RFX2: variants seen among roughly 807,000 people sequenced by gnomAD.
RFX2 encodes DNA-binding protein RFX2.
RFX2 carries 20 observed loss-of-function variants against 87.8 expected under a neutral mutation model. That is an observed-to-expected ratio of 0.23 (90% CI 0.16 to 0.33). The LOEUF (loss-of-function observed/expected upper bound fraction) is 0.33, where lower values mean the gene tolerates loss of function less well. Ranked by LOEUF, RFX2 falls within the 10% of genes least tolerant of loss-of-function variation. The pLI is 1.00. For missense variants in RFX2, 767 were observed against 1,012.3 expected (o/e 0.76, Z 3.29); for synonymous variants, 397 against 431.3 (o/e 0.92, Z 0.98).
chr19:6,034,307 C>A (rs1046426793), intron 5 of RFX2, among the ~76,000 whole-genome samples: 26 of 151,246 alleles, frequency 1.7e-4, no homozygotes, highest in Admixed American at 4.6e-4. Flanking sequence ...TGGCTCACTG[C>A]AACCTCCGCC....
chr19:6,107,616 C>CAAAAAAAAAAAAAAAAAAAAAAAA (rs1156483792), intron 1 of RFX2, among the ~76,000 whole-genome samples: 7 of 31,556 alleles, frequency 2.2e-4, no homozygotes, highest in African/African-American at 5.0e-4. Context: ...GACCCTGTCT[C>CAAAAAAAAAAAAAAAAAAAAAAAA]AAAAAAAAAA....
At chr19:6,069,394 T>C (rs2087561155) in intron 1 of RFX2, among the ~76,000 whole-genome samples, 1 of 151,966 alleles carries the variant, frequency 6.6e-6, no homozygotes, top group Admixed American at 6.5e-5. Flanking sequence ...CATCAGTGTA[T>C]AGATGACATG....
chr19:6,021,202 G>A lies in RFX2; in HGVS notation c.598-4931C>T, dbSNP rs2086806557. 6.6e-6 allele frequency among the ~76,000 whole-genome samples: 1 copy of A among 152,248 alleles called. No individual in the cohort carries two copies. Among genetic ancestry groups the A allele is most frequent in the Non-Finnish European group, 1.5e-5 (1 of 68,050 alleles). ...TCGGGCAGCTATTCCAACCGTCCAG[G>A]TGTGCCCTGTGTTGACATAATCCGA... On this transcript the variant is annotated intron_variant, in intron 6 of 17. Coordinates refer to ENST00000303657, the MANE Select transcript of RFX2 (RefSeq NM_000635.4). The surrounding 1 kb of genome is among the most constrained non-coding windows in gnomAD (Gnocchi z 5.7).
Position 6,022,074 on chromosome 19 carries a change from C to T in RFX2, c.597+4089G>A, listed in dbSNP as rs939360810. On this transcript the variant is annotated intron_variant, in intron 6 of 17. Coordinates refer to ENST00000303657, the MANE Select transcript of RFX2 (RefSeq NM_000635.4). The surrounding 1 kb of genome is among the most constrained non-coding windows in gnomAD (Gnocchi z 6.2). ...GGACGCAGTGGGGTTGGGGGCCGAG[C>T]GCCTGGAAGATTGGCTGCCCCTGCC... Among the ~76,000 whole-genome samples, 5 of 152,036 alleles carry T rather than the reference C, an allele frequency of 3.3e-5. No individual in the cohort carries two copies. Among genetic ancestry groups the T allele is most frequent in the Admixed American group, 6.5e-5 (1 of 15,270 alleles).
chr19:6,089,029 T>C (rs1387077057), intron 1 of RFX2, among the ~76,000 whole-genome samples: 2 of 152,250 alleles, frequency 1.3e-5, no homozygotes, highest in African/African-American at 4.8e-5. Context: ...TCTTTTGATT[T>C]TTCCAACTAC....
At position 6,024,818 on chromosome 19, in the gene RFX2, G is replaced by C. The variant is rs1234587303; in HGVS notation, c.597+1345C>G. The stretch of plus-strand genomic sequence containing the variant: ...ACGGGATCACGGTGAGGACGGGAGT[G>C]AGGACGGGATCACGGTGAGGACGGG... On this transcript the variant is annotated intron_variant, in intron 6 of 17. Transcript: ENST00000303657. This position sits in a 1 kb window ranked among gnomAD's most constrained non-coding sequence, Gnocchi z 5.0. Among the ~76,000 whole-genome samples the C allele has an allele frequency of 4.6e-4, 41 of 89,842 alleles. No homozygotes were observed. The highest frequency in any genetic ancestry group is 2.5e-3 in the African/African-American group (38 of 15,006). 58.9% of individuals were successfully genotyped at this position (89,842 alleles called of 152,430 possible).
chr19:6,082,663 G>A (rs1885333054), intron 1 of RFX2, among the ~76,000 whole-genome samples: 1 of 152,052 alleles, frequency 6.6e-6, no homozygotes, highest in South Asian at 2.1e-4. Flanking sequence ...GAACTCCAGG[G>A]CTCATGGGAT....
intron 6 of RFX2, among the ~76,000 whole-genome samples, chr19:6,018,850 C>T (rs1360890542): frequency 6.6e-6 from 1 of 152,216 alleles, no homozygotes; most frequent in Non-Finnish European, 1.5e-5. Context: ...GCAGGTAAGT[C>T]CCGTGGCCAA....
intron 13 of RFX2, among the ~76,000 whole-genome samples, 175 bp from the exon 14 acceptor site, chr19:6,003,045 C>T (rs966701861): frequency 2.6e-5 from 4 of 152,114 alleles, no homozygotes; most frequent in African/African-American, 7.2e-5. Flanking sequence ...GTGTGAGAAT[C>T]AGTGAAGAGG....
At position 6,004,802 on chromosome 19, in the gene RFX2, A is replaced by G. The variant is rs1482723234; in HGVS notation, c.1403-504T>C. Among the ~76,000 whole-genome samples, 2 of 82,810 alleles carry G rather than the reference A, an allele frequency of 2.4e-5. No individual in the cohort carries two copies. Among genetic ancestry groups the G allele is most frequent in the East Asian group, 7.5e-4 (2 of 2,670 alleles). 54.3% of individuals were successfully genotyped at this position (82,810 alleles called of 152,430 possible). A position where few individuals can be genotyped will look rare whatever the true frequency, so the allele number is the denominator to read the frequency against. On this transcript the variant is annotated intron_variant, in intron 12 of 17. Transcript: ENST00000303657. This position sits in a 1 kb window ranked among gnomAD's most constrained non-coding sequence, Gnocchi z 4.8. ...TAAGAAGCAAATGATCAGACTGTTA[A>G]AAAAAAAAAAAACCAAAAAACAAAA...
chr19:6,037,051 G>A lies in RFX2; in HGVS notation c.522+2929C>T, dbSNP rs530216736. On this transcript the variant is annotated intron_variant, in intron 5 of 17. Transcript: ENST00000303657. ...TGTAATCCCAGCACTTTGGGAGGCC[G>A]AGGCAGGCAGATCACGAGGTCAGGA... Among the ~76,000 whole-genome samples, 5 of 152,212 alleles carry A rather than the reference G, an allele frequency of 3.3e-5. No individual in the cohort carries two copies. The East Asian group carries it at 9.6e-4, about 29-fold the overall frequency.
chr19:6,091,814 G>C (rs1173986435), intron 1 of RFX2, among the ~76,000 whole-genome samples: 1 of 152,204 alleles, frequency 6.6e-6, no homozygotes, highest in Non-Finnish European at 1.5e-5. Context: ...GTGTTTACAT[G>C]AGACCCATCA....
chr19:6,027,380 G>A lies in RFX2; in HGVS notation c.523-1143C>T, dbSNP rs557628900. 5.9e-5 allele frequency: 9 copies of A among 152,378 alleles called. No individual in the cohort carries two copies. In the South Asian group the frequency reaches 1.2e-3, roughly 21 times the overall value. 9.4% of individuals were successfully genotyped at this position (152,378 alleles called of 1,614,324 possible). ...ACACTGGAGGACCAGGGGAAAGTAGGATGGTGAGACCTCTCCCACCCATCA... is the reference window on the plus strand; with the variant it reads ...ACACTGGAGGACCAGGGGAAAGTAGAATGGTGAGACCTCTCCCACCCATCA... On this transcript the variant is annotated intron_variant, in intron 5 of 17. Transcript: ENST00000303657. This position sits in a 1 kb window ranked among gnomAD's most constrained non-coding sequence, Gnocchi z 5.0.
Position 6,011,362 on chromosome 19 carries a change from G to A in RFX2, c.900-1111C>T, listed in dbSNP as rs1410789827. On this transcript the variant is annotated intron_variant, in intron 8 of 17. Transcript: ENST00000303657. The surrounding 1 kb of genome is among the most constrained non-coding windows in gnomAD (Gnocchi z 4.8). The stretch of plus-strand genomic sequence containing the variant: ...GGGGGCAGGGAGGGAGCCGGCTTGA[G>A]CTGGAGCATCTCCAGCGGACCTCCC... Among the ~76,000 whole-genome samples the A allele has an allele frequency of 6.6e-6, 1 of 152,136 alleles. No individual in the cohort carries two copies. The highest frequency in any genetic ancestry group is 1.5e-5 in the Non-Finnish European group (1 of 68,032).
At chr19:6,104,910 G>A (rs1227280596) in intron 1 of RFX2, among the ~76,000 whole-genome samples, 1 of 152,098 alleles carries the variant, frequency 6.6e-6, no homozygotes, top group Non-Finnish European at 1.5e-5. Flanking sequence ...ATGAGGTCAG[G>A]AGATCGAGAC....
intron 1 of RFX2, chr19:6,076,892 A>G (rs1254901556): frequency 6.6e-6 from 1 of 152,226 alleles, no homozygotes; most frequent in Non-Finnish European, 1.5e-5. Context: ...TTAACCAAGT[A>G]CTTAATACTT....
Position 6,010,423 on chromosome 19 carries a change from C to T in RFX2, c.900-172G>A, listed in dbSNP as rs983328107. Among the ~76,000 whole-genome samples, 2 of 152,244 alleles carry T rather than the reference C, an allele frequency of 1.3e-5. No homozygotes were observed. Among genetic ancestry groups the T allele is most frequent in the Admixed American group, 1.3e-4 (2 of 15,292 alleles). The stretch of plus-strand genomic sequence containing the variant: ...CATCGGAACCATCTTGAGTGCACAG[C>T]TCAGCAGCATTAAGCACATTCACTG... On this transcript the variant is annotated intron_variant, in intron 8 of 17. Transcript: ENST00000303657. This position sits in a 1 kb window ranked among gnomAD's most constrained non-coding sequence, Gnocchi z 5.0.
intron 1 of RFX2, among the ~76,000 whole-genome samples, chr19:6,049,592 T>A (rs2087242025): frequency 6.6e-6 from 1 of 152,150 alleles, no homozygotes; most frequent in Admixed American, 6.5e-5. Flanking sequence ...CAGGCTGGAG[T>A]GCAATGGCAT....
rs59750158 is a variant in RFX2 at position 6,013,494 on chromosome 19, C to CTTT, written c.780-392_780-390dup. ...AGCCACTGCGCCTGGCCTCTTCTCT[C>CTTT]TTTTTTTTTTTTTTCAGAAACAGGG... is the stretch of plus-strand genomic sequence containing the variant. On this transcript the variant is annotated intron_variant, in intron 7 of 17. Coordinates refer to ENST00000303657, the MANE Select transcript of RFX2 (RefSeq NM_000635.4). This position sits in a 1 kb window ranked among gnomAD's most constrained non-coding sequence, Gnocchi z 4.1. Among the ~76,000 whole-genome samples, 1,865 of 141,354 alleles carry CTTT rather than the reference C, an allele frequency of 0.013. 29 individuals carry two copies. The highest frequency in any genetic ancestry group is 0.085 in the Middle Eastern group (22 of 260). 92.7% of individuals were successfully genotyped at this position (141,354 alleles called of 152,430 possible).
Sources: allele counts gnomAD v4.1 joint callset (sites outside exome capture counted in the v4.1 genomes callset), GRCh38; gene constraint gnomAD v4.1.1; non-coding constraint Gnocchi (gnomAD v3.1); transcripts MANE v1.5; gene names NCBI Gene and HGNC (gene_info 2026-07-23, HGNC 2026-07-21).